The following NSD2 variants were observed in gnomAD, a reference collection of about 807,000 sequenced individuals.
NSD2 encodes histone-lysine N-methyltransferase NSD2.
In NSD2, 12 loss-of-function variants were observed where a neutral mutation model predicts 139.0. The observed-to-expected ratio is 0.09, with a 90% confidence interval of 0.06 to 0.14. The LOEUF is 0.14. Among genes scored for constraint, NSD2 ranks in the 10% least tolerant of loss-of-function variants. The pLI is 1.00. For synonymous variants in NSD2, 669 were observed against 648.7 expected, an observed-to-expected ratio of 1.03 and a Z score of -0.48; for missense variants, 1,155 against 1,745.0, an observed-to-expected ratio of 0.66 and a Z score of 6.02.
chr4:1,927,728 A>G (rs1228830174), intron 5 of NSD2, among the ~76,000 whole-genome samples: 2 of 138,736 alleles, frequency 1.4e-5, no homozygotes, highest in African/African-American at 6.1e-5. Context: ...AGAAAAAAAA[A>G]AAAAAAAAAA....
rs946687711 is a variant in NSD2, at chr4:1,938,985, A to C, written c.1756+453A>C. 2.0e-5 allele frequency among the ~76,000 whole-genome samples: 3 copies of C among 152,210 alleles called. No individual in the cohort carries two copies. The East Asian group carries it at 5.8e-4, about 29-fold the overall frequency. On this transcript the variant is annotated intron_variant, in intron 8 of 21. Coordinates refer to ENST00000508803, the MANE Select transcript of NSD2 (RefSeq NM_001042424.3). ...CTAGCTTAAAACCTTTATGAAAAAT[A>C]ATTGTCAAAAAAATAAGAGGGGAAA...
chr4:1,901,020 A>G lies in NSD2; in HGVS notation c.366A>G (p.Pro122=). ...PNTTPIKNGS[P]EIKLKITKTY... is the part of the protein sequence containing the mutation. The stretch of plus-strand genomic sequence containing the variant: ...CTACCCCTATCAAAAATGGCTCTCC[A>G]GAAATTAAGCTGAAAATCACCAAAA... The change falls in exon 2 of 22, where the codon CCA becomes CCG. Residue 122 remains proline (P), a synonymous_variant. Transcript: ENST00000508803. 6 of 1,614,248 alleles carry G rather than the reference A, an allele frequency of 3.7e-6. No individual in the cohort carries two copies. The highest frequency in any genetic ancestry group is 1.6e-4 in the Middle Eastern group (1 of 6,062).
At chr4:1,923,784 G>A (rs141052241) in intron 5 of NSD2, among the ~76,000 whole-genome samples, 43 of 152,296 alleles carry the variant, frequency 2.8e-4, no homozygotes, top group African/African-American at 9.4e-4. Context: ...AAGCTACCCA[G>A]TGACAGACTA....
At chr4:1,949,752 A>G (rs1724016693) in intron 9 of NSD2, among the ~76,000 whole-genome samples, 1 of 151,110 alleles carries the variant, frequency 6.6e-6, no homozygotes, top group South Asian at 2.1e-4. Flanking sequence ...CGACAGAGCA[A>G]GACTCTGTCT....
chr4:1,918,757 A>G (rs960872359), intron 5 of NSD2, 134 bp downstream of exon 5: 3 of 1,263,460 alleles, frequency 2.4e-6, no homozygotes, highest in African/African-American at 1.5e-5. Flanking sequence ...GATCTAATAA[A>G]TAAGTATTAG....
chr4:1,942,821 A>G lies in NSD2; in HGVS notation c.1881+3043A>G. 9.3e-7 allele frequency: 1 copy of G among 1,073,758 alleles called. No homozygotes were observed. Among genetic ancestry groups the G allele is most frequent in the Non-Finnish European group, 1.1e-6 (1 of 883,832 alleles). The allele number at this position is 1,073,758 out of a possible 1,614,324, so 66.5% of individuals were successfully genotyped here. A position where few individuals can be genotyped will look rare whatever the true frequency, so the allele number is the denominator to read the frequency against. On this transcript the variant is annotated intron_variant, in intron 9 of 21. Coordinates refer to ENST00000508803, the MANE Select transcript of NSD2 (RefSeq NM_001042424.3). The surrounding 1 kb of genome is among the most constrained non-coding windows in gnomAD (Gnocchi z 4.0). ...CAGAAACAAACTAACAGCACACGTT[A>G]GGAGGAGTCCTCATCAGCTGTTCTC... is the stretch of plus-strand genomic sequence containing the variant.
intron 1 of NSD2, among the ~76,000 whole-genome samples, chr4:1,877,873 T>G (rs35593692): frequency 0.04 from 6,123 of 152,122 alleles, 182 homozygotes; most frequent in Non-Finnish European, 0.064. Context: ...TTTAAAGTAC[T>G]CTGTTGTGAC....
At chr4:1,944,168 A>G (rs1426137012) in intron 9 of NSD2, 6 of 1,065,996 alleles carry the variant, frequency 5.6e-6, no homozygotes, top group Non-Finnish European at 6.8e-6. Flanking sequence ...TGAGAGGGAC[A>G]GTCCCATGTG....
chr4:1,942,052 C>CA lies in NSD2; in HGVS notation c.1881+2275dup. 8.6e-7 allele frequency: 1 copy of CA among 1,158,228 alleles called. No individual in the cohort carries two copies. Among genetic ancestry groups the CA allele is most frequent in the Non-Finnish European group, 1.1e-6 (1 of 935,076 alleles). The allele number at this position is 1,158,228 out of a possible 1,614,324, so 71.7% of individuals were successfully genotyped here. ...TGTTTGTATTTCCTCCCTTTCATCA[C>CA]ATTTGTTTGAAATAAGGTACTTTTA... On this transcript the variant is annotated intron_variant, in intron 9 of 21. Transcript: ENST00000508803. The surrounding 1 kb of genome is among the most constrained non-coding windows in gnomAD (Gnocchi z 4.0).
intron 5 of NSD2, among the ~76,000 whole-genome samples, chr4:1,923,259 C>T (rs1288317010): frequency 2.1e-5 from 3 of 141,940 alleles, no homozygotes; most frequent in African/African-American, 5.3e-5. Context: ...GAGGCTGAAG[C>T]GGGAGGATTG....
At chr4:1,900,417 C>A (rs1325444173) in intron 1 of NSD2, among the ~76,000 whole-genome samples, 1 of 152,062 alleles carries the variant, frequency 6.6e-6, no homozygotes, top group Non-Finnish European at 1.5e-5. Context: ...AAAAATGATT[C>A]CTTTTTCTTT....
chr4:1,876,343 A>G (rs1310007933), intron 1 of NSD2, among the ~76,000 whole-genome samples: 1 of 152,200 alleles, frequency 6.6e-6, no homozygotes, highest in African/African-American at 2.4e-5. Flanking sequence ...TCAACAAAAT[A>G]TACAAGGATA....
chr4:1,911,426 A>G (rs1316580172), intron 3 of NSD2, among the ~76,000 whole-genome samples: 1 of 151,928 alleles, frequency 6.6e-6, no homozygotes, highest in Non-Finnish European at 1.5e-5. Flanking sequence ...TGTTTCTGCT[A>G]ACAGTACAAA....
chr4:1,881,626 G>A (rs572870720), intron 1 of NSD2, among the ~76,000 whole-genome samples: 1 of 152,170 alleles, frequency 6.6e-6, no homozygotes, highest in Non-Finnish European at 1.5e-5. Context: ...TGAATTCCTC[G>A]ACTCAAGCAG....
At chr4:1,929,921 G>C (rs545752438) in intron 5 of NSD2, among the ~76,000 whole-genome samples, 13 of 152,268 alleles carry the variant, frequency 8.5e-5, no homozygotes, top group Non-Finnish European at 1.3e-4. Context: ...ACCAGGTGGA[G>C]CGAAGTCCCC....
At chr4:1,871,998 C>G (rs1170941840) in intron 1 of NSD2, among the ~76,000 whole-genome samples, 1 of 149,966 alleles carries the variant, frequency 6.7e-6, no homozygotes, top group African/African-American at 2.4e-5. Flanking sequence ...CTTTGTGCGG[C>G]GCCCCCGGTC....
intron 9 of NSD2, chr4:1,947,670 G>C: frequency 9.5e-7 from 1 of 1,055,062 alleles, no homozygotes; most frequent in Non-Finnish European, 1.1e-6. Context: ...GCACAGGGCT[G>C]TTGTCATTTG....
intron 5 of NSD2, among the ~76,000 whole-genome samples, chr4:1,930,016 C>T (rs1227159186): frequency 8.5e-5 from 13 of 152,134 alleles, no homozygotes; most frequent in African/African-American, 1.4e-4. Flanking sequence ...GGGTGGGGCC[C>T]GGGAGTCTGC....
intron 5 of NSD2, among the ~76,000 whole-genome samples, chr4:1,929,224 T>G (rs1395375164): frequency 2.0e-5 from 3 of 151,494 alleles, no homozygotes; most frequent in Non-Finnish European, 2.9e-5. Flanking sequence ...CCTCCCATGG[T>G]GGGGCCATGG....
Sources: gnomAD v4.1 joint callset for allele counts (sites outside exome capture counted in the v4.1 genomes callset) on GRCh38, gnomAD v4.1.1 for gene constraint, Gnocchi (gnomAD v3.1) non-coding constraint, MANE v1.5 for transcripts, NCBI Gene and HGNC (gene_info 2026-07-23, HGNC 2026-07-21) for gene names.